ALK: variants seen among roughly 807,000 people sequenced by gnomAD.
ALK encodes the protein ALK receptor tyrosine kinase.
ALK carries 74 observed loss-of-function variants against 163.1 expected under a neutral mutation model. The ratio of observed to expected loss-of-function variants is 0.45; its 90% CI spans 0.38 to 0.55. The LOEUF is 0.55. Among genes scored for constraint, ALK ranks in the 20% least tolerant of loss-of-function variants. ALK has a pLI of 0.00. For missense variants in ALK, 2,063 were observed against 2,105.3 expected (o/e 0.98, Z 0.39); for synonymous variants, 960 against 843.2 (o/e 1.14, Z -2.40).
At chr2:29,799,672 G>T (rs1664412973) in intron 1 of ALK, among the ~76,000 whole-genome samples, 2 of 152,120 alleles carry the variant, frequency 1.3e-5, no homozygotes, top group Non-Finnish European at 2.9e-5. Flanking sequence ...CACAGAGCAA[G>T]CCCTGACTCA....
chr2:29,381,774 G>T (rs1044476057), intron 5 of ALK, among the ~76,000 whole-genome samples: 2 of 152,004 alleles, frequency 1.3e-5, no homozygotes, highest in East Asian at 1.9e-4. Context: ...TGCCTACATC[G>T]AATAGACATT....
chr2:29,275,075 C>G (rs1441487273), intron 11 of ALK, 24 bp downstream of exon 11: 1 of 1,613,780 alleles, frequency 6.2e-7, no homozygotes, highest in Non-Finnish European at 8.5e-7. Flanking sequence ...TTACTGTGCT[C>G]ACATTTGTGA....
chr2:29,741,341 T>G (rs1680052722), intron 1 of ALK, among the ~76,000 whole-genome samples: 1 of 152,176 alleles, frequency 6.6e-6, no homozygotes, highest in African/African-American at 2.4e-5. Context: ...TGTGTCAGCA[T>G]AGGTCTGTCA....
chr2:29,193,685 C>T lies in ALK; in HGVS notation c.4402G>A (p.Gly1468Arg). ...AAEISVRVPR[G>R]PAVEGGHVNM... ...ACGTGTCCCCCTTCCACGGCCGGCC[C>T]TCTAGGGACTCGAACAGAGATCTCT... The change falls in exon 29 of 29, where the codon GGG becomes AGG. Residue 1468 changes from glycine (G) to arginine (R), a missense_variant. Coordinates refer to ENST00000389048, the MANE Select transcript of ALK (RefSeq NM_004304.5). 2 of 1,613,764 alleles carry T rather than the reference C, an allele frequency of 1.2e-6. No homozygotes were observed. The highest frequency in any genetic ancestry group is 1.7e-6 in the Non-Finnish European group (2 of 1,179,704).
chr2:29,689,068 C>T (rs1678318586), intron 3 of ALK, among the ~76,000 whole-genome samples: 1 of 152,168 alleles, frequency 6.6e-6, no homozygotes, highest in Admixed American at 6.5e-5. Context: ...TATGAGGACA[C>T]CTCCTACCCT....
intron 4 of ALK, among the ~76,000 whole-genome samples, chr2:29,387,533 C>T (rs1360075930): frequency 3.9e-5 from 6 of 152,104 alleles, no homozygotes; most frequent in Middle Eastern, 3.2e-3. Flanking sequence ...CGTGGATTTG[C>T]GTGGGCTTGG....
rs114239239 is a variant in ALK at position 29,711,363 on chromosome 2, A to G, written c.787+6215T>C. Among the ~76,000 whole-genome samples, 1,152 of 152,108 alleles carry G rather than the reference A, an allele frequency of 7.6e-3. 10 individuals carry two copies. Among genetic ancestry groups the G allele is most frequent in the Middle Eastern group, 0.041 (12 of 294 alleles). On this transcript the variant is annotated intron_variant, in intron 2 of 28. Coordinates refer to ENST00000389048, the MANE Select transcript of ALK (RefSeq NM_004304.5). The stretch of plus-strand genomic sequence containing the variant: ...GTTCAGCTGCCGCAGTCTCCAAAAC[A>G]TCTCCCTTCTTGAGTCCTCTACAGA...
chr2:29,559,514 T>G (rs779521712), intron 3 of ALK, among the ~76,000 whole-genome samples: 3 of 152,190 alleles, frequency 2.0e-5, no homozygotes, highest in Non-Finnish European at 4.4e-5. Flanking sequence ...TTCTTAATAT[T>G]TGCCATCAAC....
chr2:29,604,163 G>GTTT (rs34399929), intron 3 of ALK, among the ~76,000 whole-genome samples: 2,131 of 138,132 alleles, frequency 0.015, 43 homozygotes, highest in African/African-American at 0.04. Context: ...GAATAGAGAA[G>GTTT]TTTTTTTTTT....
chr2:29,391,745 A>G (rs1573311354), intron 4 of ALK, among the ~76,000 whole-genome samples: 1 of 152,186 alleles, frequency 6.6e-6, no homozygotes, highest in African/African-American at 2.4e-5. Flanking sequence ...GAAATATAAT[A>G]ATTAAGCAGC....
At chr2:29,522,463 T>A (rs571354111) in intron 4 of ALK, among the ~76,000 whole-genome samples, 28 of 152,244 alleles carry the variant, frequency 1.8e-4, no homozygotes, top group African/African-American at 6.5e-4. Flanking sequence ...GGATGCCAGG[T>A]CCTGTCCCGT....
intron 5 of ALK, among the ~76,000 whole-genome samples, chr2:29,337,221 G>A (rs1276942347): frequency 6.6e-6 from 1 of 152,214 alleles, no homozygotes; most frequent in Non-Finnish European, 1.5e-5. Context: ...CTCAGTTGTA[G>A]TGTGGACAAC....
chr2:29,590,646 C>A (rs1283529096), intron 3 of ALK, among the ~76,000 whole-genome samples: 1 of 152,056 alleles, frequency 6.6e-6, no homozygotes, highest in Non-Finnish European at 1.5e-5. Context: ...TAGCCAGAAT[C>A]CCCCCATTAC....
chr2:29,667,128 T>A (rs761987328), intron 3 of ALK, among the ~76,000 whole-genome samples: 4 of 152,314 alleles, frequency 2.6e-5, no homozygotes, highest in Non-Finnish European at 4.4e-5. Context: ...TTGTGAATAG[T>A]GTTGCAATAA....
chr2:29,626,648 C>T (rs1025064162), intron 3 of ALK, among the ~76,000 whole-genome samples: 2 of 152,194 alleles, frequency 1.3e-5, no homozygotes, highest in African/African-American at 4.8e-5. Context: ...GCACTCTCCC[C>T]TCCCCATGTG....
intron 1 of ALK, among the ~76,000 whole-genome samples, chr2:29,864,921 C>T (rs1449873756): frequency 6.6e-6 from 1 of 152,202 alleles, no homozygotes; most frequent in Non-Finnish European, 1.5e-5. Context: ...ACGCCTCCCA[C>T]CCTCTCCCCT....
intron 5 of ALK, among the ~76,000 whole-genome samples, chr2:29,364,895 T>C (rs114012322): frequency 2.0e-5 from 3 of 152,252 alleles, no homozygotes; most frequent in Admixed American, 6.5e-5. Context: ...GAGGAGGAAA[T>C]AGAGAACTTG....
chr2:29,758,172 G>A (rs952711338), intron 1 of ALK, among the ~76,000 whole-genome samples: 2 of 151,866 alleles, frequency 1.3e-5, no homozygotes, highest in African/African-American at 2.4e-5. Context: ...CACCATACCT[G>A]GCTAATTTTT....
At position 29,853,441 on chromosome 2, in the gene ALK, C is replaced by A. The variant is rs1666056275; in HGVS notation, c.667+66552G>T. Among the ~76,000 whole-genome samples, 3 of 152,202 alleles carry A rather than the reference C, an allele frequency of 2.0e-5. No individual in the cohort carries two copies. In the South Asian group the frequency reaches 6.2e-4, roughly 31 times the overall value. On this transcript the variant is annotated intron_variant, in intron 1 of 28. Transcript: ENST00000389048. ...ACAGACTGGACATCCAATCTCTCAG[C>A]AAGTCTGTTCATGCCACCTCCAGAC...
Sources: gnomAD v4.1 joint callset for allele counts (sites outside exome capture counted in the v4.1 genomes callset) on GRCh38, gnomAD v4.1.1 for gene constraint, MANE v1.5 for transcripts, NCBI Gene and HGNC (gene_info 2026-07-23, HGNC 2026-07-21) for gene names.